XYLT1: variants seen among roughly 807,000 people sequenced by gnomAD.
XYLT1 encodes the protein beta-D-xylosyltransferase 1.
Under a neutral mutation model 91.3 loss-of-function variants are expected in XYLT1, and 36 were observed. The observed-to-expected ratio is 0.39, with a 90% confidence interval of 0.30 to 0.52. The LOEUF is 0.52. Among genes scored for constraint, XYLT1 ranks in the 20% least tolerant of loss-of-function variants. XYLT1 has a pLI of 0.68. For missense variants in XYLT1, 1,242 were observed against 1,284.5 expected, an observed-to-expected ratio of 0.97 and a Z score of 0.51; for synonymous variants, 588 against 532.0, an observed-to-expected ratio of 1.11 and a Z score of -1.45.
intron 10 of XYLT1, 118 bp downstream of exon 10, chr16:17,127,548 T>G: frequency 8.1e-7 from 1 of 1,240,416 alleles, no homozygotes; most frequent in Non-Finnish European, 1.1e-6. Flanking sequence ...AGCTTATCTT[T>G]AGGGATCTCC....
chr16:17,171,617 C>A (rs1275075068), intron 5 of XYLT1, among the ~76,000 whole-genome samples: 1 of 152,224 alleles, frequency 6.6e-6, no homozygotes, highest in Non-Finnish European at 1.5e-5. Context: ...ACAGAGGACA[C>A]AGGCCTTGAA....
chr16:17,298,282 G>C (rs1243822091), intron 2 of XYLT1, among the ~76,000 whole-genome samples: 1 of 152,116 alleles, frequency 6.6e-6, no homozygotes, highest in Non-Finnish European at 1.5e-5. Context: ...AGTGTGTCCA[G>C]TTGCAGGACC....
At chr16:17,129,620 A>AGTAAGTTCTTTAGTGATGAT (rs2030395886) in intron 9 of XYLT1, among the ~76,000 whole-genome samples, 3 of 152,246 alleles carry the variant, frequency 2.0e-5, no homozygotes, top group Middle Eastern at 3.4e-3. Flanking sequence ...TGGTTGCATG[A>AGTAAGTTCTTTAGTGATGAT]GTAAGTTCTT....
chr16:17,203,052 G>C (rs997369736), intron 3 of XYLT1, among the ~76,000 whole-genome samples: 1 of 152,164 alleles, frequency 6.6e-6, no homozygotes, highest in Non-Finnish European at 1.5e-5. Context: ...CCAAGGGATT[G>C]GCTCAAGGTC....
chr16:17,215,069 A>C (rs1196555632), intron 3 of XYLT1, among the ~76,000 whole-genome samples: 1 of 152,132 alleles, frequency 6.6e-6, no homozygotes, highest in Non-Finnish European at 1.5e-5. Context: ...AGTTAAATGA[A>C]GTTGGGCCGA....
chr16:17,132,266 T>C (rs912413675), intron 9 of XYLT1, among the ~76,000 whole-genome samples: 2 of 152,098 alleles, frequency 1.3e-5, no homozygotes, highest in African/African-American at 4.8e-5. Context: ...CCGCACATAC[T>C]GAAGGTGAAG....
At chr16:17,410,645 C>CCTTTTT (rs1555454985) in intron 1 of XYLT1, among the ~76,000 whole-genome samples, 3 of 93,036 alleles carry the variant, frequency 3.2e-5, no homozygotes. Context: ...CCTGTCATTA[C>CCTTTTT]TTTTTTTTTT....
At chr16:17,422,327 G>C (rs1306626537) in intron 1 of XYLT1, among the ~76,000 whole-genome samples, 1 of 151,420 alleles carries the variant, frequency 6.6e-6, no homozygotes, top group Non-Finnish European at 1.5e-5. Context: ...CTCCTGAGTG[G>C]CTGCGACTAC....
At chr16:17,215,818 G>T (rs2032846694) in intron 3 of XYLT1, among the ~76,000 whole-genome samples, 2 of 152,160 alleles carry the variant, frequency 1.3e-5, no homozygotes, top group South Asian at 4.1e-4. Flanking sequence ...TGGAACTGAG[G>T]CCAAGAGGAA....
At chr16:17,358,093 A>T (rs374236786) in intron 1 of XYLT1, 43 bp from the exon 2 acceptor site, 17 of 1,588,508 alleles carry the variant, frequency 1.1e-5, no homozygotes, top group Non-Finnish European at 1.5e-5. Flanking sequence ...AGTGAAAAAA[A>T]GTTAACTTAC....
intron 2 of XYLT1, among the ~76,000 whole-genome samples, chr16:17,310,540 T>C (rs2034531025): frequency 1.3e-5 from 2 of 152,140 alleles, no homozygotes; most frequent in Admixed American, 1.3e-4. Flanking sequence ...ATCTGTGGAA[T>C]AAGTAAGTGC....
At chr16:17,351,592 C>A (rs2035220564) in intron 2 of XYLT1, among the ~76,000 whole-genome samples, 1 of 151,884 alleles carries the variant, frequency 6.6e-6, no homozygotes, top group South Asian at 2.1e-4. Context: ...GAACTTAAAC[C>A]AGAAAGGGTG....
At chr16:17,172,394 T>G (rs1041962979) in intron 5 of XYLT1, among the ~76,000 whole-genome samples, 17 of 152,288 alleles carry the variant, frequency 1.1e-4, no homozygotes, top group African/African-American at 4.1e-4. Context: ...ATTTCCCAGT[T>G]CTTCAGCAAT....
chr16:17,168,638 GA>G, intron 5 of XYLT1, among the ~76,000 whole-genome samples: 1 of 152,140 alleles, frequency 6.6e-6, no homozygotes, highest in African/African-American at 2.4e-5. Flanking sequence ...CAAATTTACA[GA>G]GACTTATTTT....
At chr16:17,253,861 A>C (rs1013945910) in intron 3 of XYLT1, among the ~76,000 whole-genome samples, 18 of 145,022 alleles carry the variant, frequency 1.2e-4, no homozygotes, top group Non-Finnish European at 1.7e-4. Flanking sequence ...AGAGAGAGAG[A>C]GCGAGCCTGC....
chr16:17,183,408 C>T (rs781155595), intron 5 of XYLT1, among the ~76,000 whole-genome samples: 88 of 152,182 alleles, frequency 5.8e-4, no homozygotes, highest in South Asian at 1.7e-3. Context: ...TACCCCAGAA[C>T]TATCCAGCAG....
chr16:17,174,283 G>A (rs2031891659), intron 5 of XYLT1, among the ~76,000 whole-genome samples: 1 of 152,130 alleles, frequency 6.6e-6, no homozygotes, highest in Admixed American at 6.5e-5. Flanking sequence ...ATACTGAAAA[G>A]AATGGAAAAC....
chr16:17,112,664 T>C (rs1966844440), intron 11 of XYLT1, among the ~76,000 whole-genome samples: 1 of 151,994 alleles, frequency 6.6e-6, no homozygotes, highest in South Asian at 2.1e-4. Context: ...ACCTAAGACC[T>C]CTAAGGGGGT....
intron 9 of XYLT1, among the ~76,000 whole-genome samples, chr16:17,130,135 C>T (rs1010503560): frequency 2.6e-5 from 4 of 152,244 alleles, no homozygotes; most frequent in Non-Finnish European, 5.9e-5. Context: ...CTGAAGCCAT[C>T]CTAGGCTCAG....
Sources: gnomAD v4.1 joint callset for allele counts (sites outside exome capture counted in the v4.1 genomes callset) on GRCh38, gnomAD v4.1.1 for gene constraint, MANE v1.5 for transcripts, NCBI Gene and HGNC (gene_info 2026-07-23, HGNC 2026-07-21) for gene names.